The following MBOAT2 variants were observed in gnomAD, a reference collection of about 807,000 sequenced individuals.
MBOAT2 encodes membrane-bound glycerophospholipid O-acyltransferase 2.
MBOAT2 carries 28 observed loss-of-function variants against 63.4 expected under a neutral mutation model. That is an observed-to-expected ratio of 0.44 (90% confidence interval 0.33 to 0.61). The LOEUF (loss-of-function observed/expected upper bound fraction) is 0.61, where lower values mean the gene tolerates loss of function less well. Among genes scored for constraint, MBOAT2 ranks in the 20% least tolerant of loss-of-function variants. The pLI is 0.03. For missense variants in MBOAT2, 470 were observed against 605.8 expected, an observed-to-expected ratio of 0.78 and a Z score of 2.35; for synonymous variants, 211 against 215.6, an observed-to-expected ratio of 0.98 and a Z score of 0.19.
intron 5 of MBOAT2, among the ~76,000 whole-genome samples, chr2:8,884,673 T>C (rs184895425): frequency 2.2e-4 from 33 of 152,300 alleles, no homozygotes; most frequent in African/African-American, 7.7e-4. Flanking sequence ...GTGTTTGGCA[T>C]AGGGTGGGCC....
In MBOAT2 at chr2:8,854,081, G is replaced by A. The variant is rs1046993445; in HGVS notation, c.*4598C>T. Reference sequence around the variant, plus strand: ...AAGAGCTTTCCTACAAAATACCGATGTGGAAAATTTCATTTTAAAATTTCT... The same window carrying A: ...AAGAGCTTTCCTACAAAATACCGATATGGAAAATTTCATTTTAAAATTTCT... On this transcript the variant is annotated 3_prime_UTR_variant, in exon 13 of 13. Coordinates refer to ENST00000305997, the MANE Select transcript of MBOAT2 (RefSeq NM_138799.4). 6.6e-6 allele frequency: 1 copy of A among 152,306 alleles called. No homozygotes were observed. Among genetic ancestry groups the A allele is most frequent in the East Asian group, 1.9e-4 (1 of 5,194 alleles). 9.4% of individuals were successfully genotyped at this position (152,306 alleles called of 1,614,324 possible).
intron 1 of MBOAT2, among the ~76,000 whole-genome samples, chr2:8,962,629 T>C (rs1669695495): frequency 6.6e-6 from 1 of 152,170 alleles, no homozygotes; most frequent in Admixed American, 6.5e-5. Context: ...CTGTGAGATT[T>C]GGAGATAGTT....
At chr2:8,909,003 G>GTC (rs773954168) in intron 3 of MBOAT2, among the ~76,000 whole-genome samples, 4 of 152,114 alleles carry the variant, frequency 2.6e-5, no homozygotes, top group Non-Finnish European at 5.9e-5. Flanking sequence ...ATAAACCTGT[G>GTC]GTTAGTATGT....
chr2:8,987,834 T>C (rs1021079531), intron 1 of MBOAT2, among the ~76,000 whole-genome samples: 17 of 152,162 alleles, frequency 1.1e-4, no homozygotes, highest in African/African-American at 4.1e-4. Context: ...CTAATAAAAA[T>C]ATATTAACAA....
chr2:8,950,588 T>C (rs553773610), intron 2 of MBOAT2, among the ~76,000 whole-genome samples: 2 of 152,230 alleles, frequency 1.3e-5, no homozygotes, highest in South Asian at 4.1e-4. Context: ...CCACCATGCC[T>C]GGCTAATTTT....
chr2:8,995,978 G>A (rs1167020589), intron 1 of MBOAT2, among the ~76,000 whole-genome samples: 1 of 152,186 alleles, frequency 6.6e-6, no homozygotes, highest in Admixed American at 6.5e-5. Context: ...GTGGGAGGTG[G>A]GGGGAAGCAG....
At chr2:8,942,397 C>T (rs1205776739) in intron 3 of MBOAT2, among the ~76,000 whole-genome samples, 1 of 152,186 alleles carries the variant, frequency 6.6e-6, no homozygotes, top group African/African-American at 2.4e-5. Flanking sequence ...ATAGACTCTG[C>T]CCCTGGGTTT....
intron 5 of MBOAT2, among the ~76,000 whole-genome samples, chr2:8,883,420 A>T (rs1250845638): frequency 1.3e-5 from 2 of 152,184 alleles, no homozygotes; most frequent in African/African-American, 2.4e-5. Context: ...AAGTATGCAG[A>T]AATTTTAAAG....
chr2:8,911,912 G>C (rs1665734588), intron 3 of MBOAT2, among the ~76,000 whole-genome samples: 1 of 152,006 alleles, frequency 6.6e-6, no homozygotes, highest in African/African-American at 2.4e-5. Context: ...CCACCCCCTT[G>C]AATCTATGCT....
At position 8,860,843 on chromosome 2, in the gene MBOAT2, T is replaced by C. The variant is rs201911573; in HGVS notation, c.1186-79A>G. The C allele has an allele frequency of 4.0e-5, 46 of 1,150,158 alleles. 1 individual carries two copies. In the East Asian group the frequency reaches 1.1e-3, roughly 28 times the overall value. 71.2% of individuals were successfully genotyped at this position (1,150,158 alleles called of 1,614,324 possible). A position where few individuals can be genotyped will look rare whatever the true frequency, so the allele number is the denominator to read the frequency against. ...GCAGTTACACTGGTGATATCAACTG[T>C]TGGAAGGATGTGGAGTAGAGTAACT... is the stretch of plus-strand genomic sequence containing the variant. On this transcript the variant is annotated intron_variant, in intron 11 of 12. Coordinates refer to ENST00000305997, the MANE Select transcript of MBOAT2 (RefSeq NM_138799.4).
intron 9 of MBOAT2, among the ~76,000 whole-genome samples, chr2:8,864,473 T>C (rs1003901585): frequency 1.6e-4 from 24 of 152,186 alleles, no homozygotes; most frequent in Admixed American, 6.5e-5. Context: ...CTCTTGTATG[T>C]TAACATTTAC....
chr2:8,893,076 A>T (rs1464944352), intron 4 of MBOAT2, among the ~76,000 whole-genome samples: 19 of 23,234 alleles, frequency 8.2e-4, no homozygotes, highest in Admixed American at 4.2e-3. Context: ...GGGGTGGGGG[A>T]GGAGGCAGGG....
At chr2:8,944,771 C>CT (rs1011227869) in intron 2 of MBOAT2, among the ~76,000 whole-genome samples, 1 of 151,764 alleles carries the variant, frequency 6.6e-6, no homozygotes, top group African/African-American at 2.4e-5. Context: ...TAGAAGAAAG[C>CT]TTTTTTAAAA....
intron 4 of MBOAT2, among the ~76,000 whole-genome samples, chr2:8,893,712 C>T (rs1664194614): frequency 1.3e-5 from 2 of 152,194 alleles, no homozygotes; most frequent in South Asian, 4.1e-4. Flanking sequence ...GTATCCACTG[C>T]CCAGTGAGCT....
intron 4 of MBOAT2, among the ~76,000 whole-genome samples, chr2:8,893,078 GA>G (rs1411155567): frequency 7.5e-6 from 1 of 133,552 alleles, no homozygotes; most frequent in African/African-American, 2.7e-5. Flanking sequence ...GGTGGGGGAG[GA>G]GGCAGGGGGA....
chr2:8,961,516 C>T (rs552574778), intron 1 of MBOAT2, among the ~76,000 whole-genome samples: 3 of 152,206 alleles, frequency 2.0e-5, no homozygotes, highest in African/African-American at 4.8e-5. Context: ...ACAGGGCCAT[C>T]CACAGGGGAC....
At chr2:8,994,210 T>G (rs750810983) in intron 1 of MBOAT2, among the ~76,000 whole-genome samples, 11 of 152,104 alleles carry the variant, frequency 7.2e-5, no homozygotes, top group Non-Finnish European at 1.6e-4. Context: ...CTTAAGGAAT[T>G]TAGTTTGGGA....
intron 1 of MBOAT2, among the ~76,000 whole-genome samples, chr2:8,989,510 C>A (rs976180342): frequency 1.3e-5 from 2 of 152,120 alleles, no homozygotes. Flanking sequence ...TTTCAAGATA[C>A]GGAGCTGTAT....
At chr2:8,904,125 C>T (rs1047894527) in intron 4 of MBOAT2, among the ~76,000 whole-genome samples, 6 of 151,800 alleles carry the variant, frequency 4.0e-5, no homozygotes, top group African/African-American at 1.2e-4. Flanking sequence ...TACAGTTGTG[C>T]GCCACCACGT....
Sources: gnomAD v4.1 joint callset for allele counts (sites outside exome capture counted in the v4.1 genomes callset) on GRCh38, gnomAD v4.1.1 for gene constraint, MANE v1.5 for transcripts, NCBI Gene and HGNC (gene_info 2026-07-23, HGNC 2026-07-21) for gene names.